The following MMP21 variants were observed in gnomAD, a reference collection of about 807,000 sequenced individuals.
MMP21 encodes matrix metallopeptidase 21, also known as matrix metalloproteinase-21.
Under a neutral mutation model 47.8 loss-of-function variants are expected in MMP21, and 40 were observed. The observed-to-expected ratio is 0.84, with a 90% CI of 0.65 to 1.09. The LOEUF is 1.09. Among genes scored for constraint, MMP21 ranks in the 50% least tolerant of loss-of-function variants. The probability of loss-of-function intolerance (pLI) is 0.00; values close to 1 mark genes in which losing one functional copy is unlikely to be tolerated. For synonymous variants in MMP21, 341 were observed against 318.0 expected, an observed-to-expected ratio of 1.07 and a Z score of -0.77; for missense variants, 747 against 775.3, an observed-to-expected ratio of 0.96 and a Z score of 0.43.
At chr10:125,769,653 A>G (rs1850424631) in intron 5 of MMP21, among the ~76,000 whole-genome samples, 1 of 152,164 alleles carries the variant, frequency 6.6e-6, no homozygotes, top group Non-Finnish European at 1.5e-5. Flanking sequence ...CCAGCACCCA[A>G]TTCCAGGTAG....
chr10:125,772,547 TTTTGG>T lies in MMP21; in HGVS notation c.837+59_837+63del. 1 of 1,608,002 alleles carries T rather than the reference TTTTGG, an allele frequency of 6.2e-7. No homozygotes were observed. Among genetic ancestry groups the T allele is most frequent in the Non-Finnish European group, 8.5e-7 (1 of 1,174,894 alleles). ...ACACTACATGAGAAAAGCTTGGACT[TTTTGG>T]ACGTCAGCCCATGAGCACTGCTGGT... is the stretch of plus-strand genomic sequence containing the variant. On this transcript the variant is annotated intron_variant, in intron 3 of 6. Transcript: ENST00000368808. The surrounding 1 kb of genome is among the most constrained non-coding windows in gnomAD (Gnocchi z 5.6).
chr10:125,774,039 G>A lies in MMP21; in HGVS notation c.489C>T (p.Pro163=), dbSNP rs539857533. 1.1e-5 allele frequency: 16 copies of A among 1,486,542 alleles called. No individual in the cohort carries two copies. The East Asian group carries it at 2.5e-4, about 23-fold the overall frequency. 92.1% of individuals were successfully genotyped at this position (1,486,542 alleles called of 1,614,324 possible). Residue 163 remains proline, a synonymous_variant, in exon 2 of 7, where the codon CCC becomes CCT. Coordinates refer to ENST00000368808, the MANE Select transcript of MMP21 (RefSeq NM_147191.1). ...AGAAGGCCTGGGCAGCTCCGCCGTC[G>A]GGGTAGCCCCGGGGCTGCCAACCCC... ...SRRGWQPRGY[P]DGGAAQAFSK... is the part of the protein sequence containing the mutation.
chr10:125,766,612 A>G lies in MMP21; in HGVS notation c.*50T>C, dbSNP rs746688803. The G allele has an allele frequency of 7.5e-5, 109 of 1,457,840 alleles. No individual in the cohort carries two copies. Among genetic ancestry groups the G allele is most frequent in the Non-Finnish European group, 9.8e-5 (107 of 1,089,796 alleles). The allele number at this position is 1,457,840 out of a possible 1,614,324, so 90.3% of individuals were successfully genotyped here. On this transcript the variant is annotated 3_prime_UTR_variant, in exon 7 of 7. Coordinates refer to ENST00000368808, the MANE Select transcript of MMP21 (RefSeq NM_147191.1). Reference sequence around the variant, plus strand: ...AAATCCGGTTTTCTTTGTAAACAGTATCAGAATTTTAGCGAAGTCCTATGA... The same window carrying G: ...AAATCCGGTTTTCTTTGTAAACAGTGTCAGAATTTTAGCGAAGTCCTATGA...
Position 125,766,944 on chromosome 10 carries a change from G to C in MMP21, c.1428C>G (p.Val476=). 1 of 1,588,344 alleles carries C rather than the reference G, an allele frequency of 6.3e-7. No homozygotes were observed. Among genetic ancestry groups the C allele is most frequent in the Admixed American group, 1.9e-5 (1 of 53,390 alleles). ...FKESLVFAFD[V]NRNRVLNSYP... ...AAGAATTAAGTACTCGATTTCTGTT[G>C]ACATCAAATGCAAATACCTGCAAAG... is the stretch of plus-strand genomic sequence containing the variant. Residue 476 remains valine (V), a synonymous_variant, in exon 7 of 7, where the codon GTC becomes GTG. Transcript: ENST00000368808.
chr10:125,774,012 G>A lies in MMP21; in HGVS notation c.516C>T (p.Ser172=). The part of the protein sequence containing the change: ...YPDGGAAQAF[S]KRTLSWRLLG... ...GCAGCCGCCAGCTCAGCGTCCTCTT[G>A]GAGAAGGCCTGGGCAGCTCCGCCGT... The change falls in exon 2 of 7, where the codon TCC becomes TCT. Residue 172 remains serine, a synonymous_variant. Coordinates refer to ENST00000368808, the MANE Select transcript of MMP21 (RefSeq NM_147191.1). The A allele has an allele frequency of 1.3e-6, 2 of 1,542,914 alleles. No individual in the cohort carries two copies. The highest frequency in any genetic ancestry group is 1.7e-6 in the Non-Finnish European group (2 of 1,152,560).
rs1397561709 is a variant in MMP21, at chr10:125,775,694, T to C, written c.128A>G (p.Gln43Arg). The stretch of plus-strand genomic sequence containing the variant: ...GTGGAGGTCGGCAATGGGCTTGGCC[T>C]GGCGCAGTGGGGACGGCTCCAGGTC... ...RSDLEPSPLR[Q>R]AKPIADLHAA... is the part of the protein sequence containing the mutation. The change falls in exon 1 of 7, where the codon CAG becomes CGG. Residue 43 changes from glutamine to arginine, a missense_variant. Physicochemically the swap from Gln to Arg is conservative, Grantham distance 43. Coordinates refer to ENST00000368808, the MANE Select transcript of MMP21 (RefSeq NM_147191.1). 1 of 1,612,888 alleles carries C rather than the reference T, an allele frequency of 6.2e-7. No homozygotes were observed. Among genetic ancestry groups the C allele is most frequent in the Non-Finnish European group, 8.5e-7 (1 of 1,179,370 alleles).
chr10:125,774,290 G>T lies in MMP21; in HGVS notation c.238C>A (p.Pro80Thr). ...GCCTCGGCCAGGGCGGCGCCCTTGG[G>T]GGTCTCCGGCGGCCCCTCGGGACTG... is the stretch of plus-strand genomic sequence containing the variant. ...GPSPEGPPET[P>T]KGAALAEAVR... The change falls in exon 2 of 7, where the codon CCC becomes ACC. Residue 80 changes from proline to threonine, a missense_variant. Physicochemically the swap from Pro to Thr is conservative, Grantham distance 38. Coordinates refer to ENST00000368808, the MANE Select transcript of MMP21 (RefSeq NM_147191.1). 4 of 1,419,094 alleles carry T rather than the reference G, an allele frequency of 2.8e-6. No individual in the cohort carries two copies. Among genetic ancestry groups the T allele is most frequent in the Non-Finnish European group, 3.7e-6 (4 of 1,094,830 alleles). The allele number at this position is 1,419,094 out of a possible 1,614,324, so 87.9% of individuals were successfully genotyped here.
Position 125,770,577 on chromosome 10 carries a change from A to T in MMP21, c.994T>A (p.Ser332Thr). ...ATCCAGTCAAACGCAGTATCAAATG[A>T]TCCCTCACAGGAGCCTTAAAAAAAC... Reference protein sequence around the residue: ...IQKLYGSCEGSFDTAFDWIRK... With the variant: ...IQKLYGSCEGTFDTAFDWIRK... Residue 332 changes from serine to threonine, a missense_variant, in exon 5 of 7, where the codon TCA (serine) becomes ACA (threonine). Ser to Thr is a moderately conservative substitution (Grantham distance 58). Coordinates refer to ENST00000368808, the MANE Select transcript of MMP21 (RefSeq NM_147191.1). 6.2e-7 allele frequency: 1 copy of T among 1,614,096 alleles called. No individual in the cohort carries two copies. The highest frequency in any genetic ancestry group is 8.5e-7 in the Non-Finnish European group (1 of 1,179,956).
intron 5 of MMP21, among the ~76,000 whole-genome samples, chr10:125,769,329 G>A (rs1359466677): frequency 6.6e-6 from 1 of 152,164 alleles, no homozygotes; most frequent in Non-Finnish European, 1.5e-5. Context: ...CTTCCATGTT[G>A]AGCAATTGCC....
At position 125,772,628 on chromosome 10, in the gene MMP21, C is replaced by T; in HGVS notation, c.820G>A (p.Gly274Ser). 6.2e-7 allele frequency: 1 copy of T among 1,614,210 alleles called. No homozygotes were observed. The highest frequency in any genetic ancestry group is 8.5e-7 in the Non-Finnish European group (1 of 1,180,038). Residue 274 changes from glycine (G) to serine (S), a missense_variant, in exon 3 of 7, where the codon GGC becomes AGC. Transcript: ENST00000368808. This position sits in a 1 kb window ranked among gnomAD's most constrained non-coding sequence, Gnocchi z 5.6. Reference sequence around the variant, plus strand: ...CCACTGACCTTGAGAAGGCTGATGCCCGTGTCACTGGTGGGAGGTGTGAAG... The same window carrying T: ...CCACTGACCTTGAGAAGGCTGATGCTCGTGTCACTGGTGGGAGGTGTGAAG... ...EHFTPPTSDT[G>S]ISLLKVAVHE...
chr10:125,771,723 AGAG>A (rs1850448156), intron 4 of MMP21, among the ~76,000 whole-genome samples: 1 of 152,192 alleles, frequency 6.6e-6, no homozygotes, highest in Non-Finnish European at 1.5e-5. Flanking sequence ...TGAATGGAAA[AGAG>A]GAGGACAGCT....
intron 1 of MMP21, 80 bp from the exon 2 acceptor site, chr10:125,774,445 G>C: frequency 9.9e-7 from 1 of 1,008,920 alleles, no homozygotes; most frequent in Middle Eastern, 3.4e-4. Flanking sequence ...AGTCTAGAGA[G>C]ACAGAGACAT....
rs144672041 is a variant in MMP21 at position 125,769,334 on chromosome 10, A to G, written c.1237+1000T>C. ...AAACACTGACCTTCCATGTTGAGCA[A>G]TTGCCATTGATGGCTCGTGGCCTGC... On this transcript the variant is annotated intron_variant, in intron 5 of 6. Transcript: ENST00000368808. 1.1e-3 allele frequency among the ~76,000 whole-genome samples: 166 copies of G among 152,298 alleles called. 1 individual carries two copies. The highest frequency in any genetic ancestry group is 3.9e-3 in the African/African-American group (163 of 41,562).
rs1850393731 is a variant in MMP21 at position 125,766,950 on chromosome 10, A to G, written c.1422T>C (p.Phe474=). ...TAAGTACTCGATTTCTGTTGACATC[A>G]AATGCAAATACCTGCAAAGCAAATA... ...YFFKESLVFA[F]DVNRNRVLNS... Residue 474 remains phenylalanine, a synonymous_variant, in exon 7 of 7, where the codon TTT becomes TTC. Coordinates refer to ENST00000368808, the MANE Select transcript of MMP21 (RefSeq NM_147191.1). The G allele has an allele frequency of 5.7e-6, 9 of 1,585,024 alleles. No individual in the cohort carries two copies. The highest frequency in any genetic ancestry group is 7.7e-6 in the Non-Finnish European group (9 of 1,169,554).
intron 5 of MMP21, among the ~76,000 whole-genome samples, chr10:125,768,913 G>A (rs990129865): frequency 2.6e-5 from 4 of 152,150 alleles, no homozygotes; most frequent in Non-Finnish European, 5.9e-5. Flanking sequence ...TCCTTTGTGT[G>A]ATATGAAGGA....
chr10:125,775,593 G>A (rs551539640), intron 1 of MMP21, 67 bp downstream of exon 1: 51 of 1,493,812 alleles, frequency 3.4e-5, no homozygotes, highest in Middle Eastern at 1.9e-4. Flanking sequence ...CTGTGCGCGC[G>A]TGCGCATGTG....
In MMP21 at chr10:125,767,646, T is replaced by G. The variant is rs557885200; in HGVS notation, c.1296A>C (p.Gln432His). 3.1e-6 allele frequency: 5 copies of G among 1,614,228 alleles called. No individual in the cohort carries two copies. Among genetic ancestry groups the G allele is most frequent in the Admixed American group, 3.3e-5 (2 of 60,034 alleles). Residue 432 changes from glutamine (Q) to histidine (H), a missense_variant, in exon 6 of 7, where the codon CAA becomes CAC. By Grantham distance (24) the Gln-to-His change is conservative (BLOSUM62 0). Coordinates refer to ENST00000368808, the MANE Select transcript of MMP21 (RefSeq NM_147191.1). ...AAATCAATTTGGGATAGCTTTTTCC[T>G]TGTTCATCTTCTGTGAGGGCCTGAT... ...DKDQALTEDEQGKSYPKLISE... is the reference protein window; with the variant it reads ...DKDQALTEDEHGKSYPKLISE...
chr10:125,768,395 T>G (rs981395801), intron 5 of MMP21, among the ~76,000 whole-genome samples: 1 of 152,226 alleles, frequency 6.6e-6, no homozygotes, highest in Non-Finnish European at 1.5e-5. Flanking sequence ...CTCCATTTTG[T>G]TTCAGAGTTC....
Position 125,766,567 on chromosome 10 carries a change from A to G in MMP21, c.*95T>C. ...CCATTGGGTTTTAACTTACAGTGCC[A>G]TATTTTCTTCAGCTACTGAAAATCC... is the stretch of plus-strand genomic sequence containing the variant. On this transcript the variant is annotated 3_prime_UTR_variant, in exon 7 of 7. Transcript: ENST00000368808. 3.8e-6 allele frequency: 4 copies of G among 1,040,210 alleles called. No homozygotes were observed. The highest frequency in any genetic ancestry group is 1.8e-5 in the South Asian group (1 of 54,614). 64.4% of individuals were successfully genotyped at this position (1,040,210 alleles called of 1,614,324 possible). A position where few individuals can be genotyped will look rare whatever the true frequency, so the allele number is the denominator to read the frequency against.
Sources: gnomAD v4.1 joint callset for allele counts (sites outside exome capture counted in the v4.1 genomes callset) on GRCh38, gnomAD v4.1.1 for gene constraint, Gnocchi (gnomAD v3.1) non-coding constraint, MANE v1.5 for transcripts, NCBI Gene and HGNC (gene_info 2026-07-23, HGNC 2026-07-21) for gene names.